The following STX3 variants were observed in gnomAD, a reference collection of about 807,000 sequenced individuals.
The protein encoded by STX3 is syntaxin 3.
Under a neutral mutation model 40.2 loss-of-function variants are expected in STX3, and 19 were observed. That is an observed-to-expected ratio of 0.47 (90% CI 0.33 to 0.69). The LOEUF (loss-of-function observed/expected upper bound fraction) is 0.69. STX3 is among the 30% of genes least tolerant of loss of function. STX3 has a pLI of 0.02. For synonymous variants in STX3, 122 were observed against 132.2 expected (o/e 0.92, Z 0.53); for missense variants, 364 against 366.7 (o/e 0.99, Z 0.06).
At chr11:59,759,755 A>G (rs187277141) in intron 1 of STX3, among the ~76,000 whole-genome samples, 202 of 152,288 alleles carry the variant, frequency 1.3e-3, no homozygotes, top group African/African-American at 4.6e-3. Flanking sequence ...AATGGCTGTT[A>G]TTGGCCTCCT....
rs569718462 is a variant in STX3, at chr11:59,767,230, G to C, written c.31-5981G>C. On this transcript the variant is annotated intron_variant, in intron 1 of 10. Transcript: ENST00000337979. ...GAGATAGATCCCAGGTTGGAGTTCA[G>C]TGTTGCCTAAGTCATTGGTGATATC... Among the ~76,000 whole-genome samples, 16 of 152,276 alleles carry C rather than the reference G, an allele frequency of 1.1e-4. No homozygotes were observed. In the South Asian group the frequency reaches 3.3e-3, roughly 32 times the overall value.
Position 59,755,609 on chromosome 11 carries a change from A to G in STX3, c.4A>G (p.Lys2Glu). 2 of 1,594,496 alleles carry G rather than the reference A, an allele frequency of 1.3e-6. No homozygotes were observed. The highest frequency in any genetic ancestry group is 1.7e-6 in the Non-Finnish European group (2 of 1,176,512). ...CTCCGGGCGCCTGGGCTTCAGGATG[A>G]AGGACCGTCTGGAGCAGCTGAAGGC... is the stretch of plus-strand genomic sequence containing the variant. Reference protein sequence around the residue: MKDRLEQLKAKQ... With the variant: MEDRLEQLKAKQ... The change falls in exon 1 of 11, where the codon AAG (lysine) becomes GAG (glutamate). Residue 2 changes from lysine to glutamate, a missense_variant. Lys to Glu is a moderately conservative substitution (Grantham distance 56). Coordinates refer to ENST00000337979, the MANE Select transcript of STX3 (RefSeq NM_004177.5).
Position 59,792,093 on chromosome 11 carries a change from A to C in STX3, c.358-14A>C. The C allele has an allele frequency of 6.2e-7, 1 of 1,609,094 alleles. No individual in the cohort carries two copies. Among genetic ancestry groups the C allele is most frequent in the Non-Finnish European group, 8.5e-7 (1 of 1,176,296 alleles). ...AACCACTGGGGCCTGACTGCATTTT[A>C]CATCATCCCACAGCACTCTGTCCTT... On this transcript the variant is annotated splice_polypyrimidine_tract_variant and intron_variant, in intron 5 of 10. Coordinates refer to ENST00000337979, the MANE Select transcript of STX3 (RefSeq NM_004177.5).
rs1864989073 is a variant in STX3 at position 59,789,606 on chromosome 11, A to T, written c.289+659A>T. On this transcript the variant is annotated intron_variant, in intron 4 of 10. Coordinates refer to ENST00000337979, the MANE Select transcript of STX3 (RefSeq NM_004177.5). Reference sequence around the variant, plus strand: ...CAGGCATGCACCACCACGCTCAGTCAATTTTTGTATTTTTAGTAGAGACGA... The same window carrying T: ...CAGGCATGCACCACCACGCTCAGTCTATTTTTGTATTTTTAGTAGAGACGA... Among the ~76,000 whole-genome samples the T allele has an allele frequency of 2.0e-5, 3 of 151,934 alleles. No homozygotes were observed. In the South Asian group the frequency reaches 6.2e-4, roughly 32 times the overall value.
intron 1 of STX3, among the ~76,000 whole-genome samples, chr11:59,761,645 CCT>C (rs1453498794): frequency 6.6e-6 from 1 of 152,178 alleles, no homozygotes; most frequent in Non-Finnish European, 1.5e-5. Context: ...CACCCCATCT[CCT>C]CTCTCAGGGT....
intron 2 of STX3, among the ~76,000 whole-genome samples, chr11:59,786,243 C>CTTTTT (rs1333761860): frequency 3.0e-5 from 4 of 135,528 alleles, no homozygotes; most frequent in Admixed American, 7.5e-5. Context: ...TTCTTTCTTT[C>CTTTTT]TTTTTTTTTT....
intron 4 of STX3, chr11:59,789,218 C>A: frequency 3.4e-6 from 1 of 291,594 alleles, no homozygotes; most frequent in Non-Finnish European, 6.5e-6. Flanking sequence ...AGTTTTGTGA[C>A]TTGGTCCTTT....
chr11:59,768,815 G>A (rs1590761095), intron 1 of STX3, among the ~76,000 whole-genome samples: 1 of 152,238 alleles, frequency 6.6e-6, no homozygotes, highest in East Asian at 1.9e-4. Flanking sequence ...TAATGGTACA[G>A]GGTCTGCTAC....
At chr11:59,790,300 A>G (rs1209238072) in intron 4 of STX3, among the ~76,000 whole-genome samples, 1 of 152,238 alleles carries the variant, frequency 6.6e-6, no homozygotes, top group Non-Finnish European at 1.5e-5. Context: ...CATGGTGACC[A>G]GAACCCATGC....
intron 8 of STX3, among the ~76,000 whole-genome samples, chr11:59,794,653 G>A (rs75382314): frequency 0.012 from 1,768 of 152,294 alleles, 33 homozygotes; most frequent in African/African-American, 0.04. Context: ...TAAAGTGATA[G>A]AGTTGGGTTG....
chr11:59,787,233 G>A, intron 3 of STX3, 97 bp downstream of exon 3: 13 of 1,052,144 alleles, frequency 1.2e-5, no homozygotes, highest in Non-Finnish European at 1.7e-5. Flanking sequence ...GTAGGGAAGT[G>A]TACAAGTTAC....
Position 59,802,476 on chromosome 11 carries a change from C to T in STX3, c.*1652C>T. The T allele has an allele frequency of 1.0e-6, 1 of 985,842 alleles. No homozygotes were observed. The highest frequency in any genetic ancestry group is 1.2e-6 in the Non-Finnish European group (1 of 829,934). The allele number at this position is 985,842 out of a possible 1,614,324, so 61.1% of individuals were successfully genotyped here. A position where few individuals can be genotyped will look rare whatever the true frequency, so the allele number is the denominator to read the frequency against. On this transcript the variant is annotated 3_prime_UTR_variant, in exon 11 of 11. Coordinates refer to ENST00000337979, the MANE Select transcript of STX3 (RefSeq NM_004177.5). ...GTCACAATCCAGCACTCAGACAGAG[C>T]CAAGGCAATATCCTCTTGCCCATGG...
chr11:59,757,521 G>T (rs761149675), intron 1 of STX3, among the ~76,000 whole-genome samples: 1 of 152,060 alleles, frequency 6.6e-6, no homozygotes, highest in African/African-American at 2.4e-5. Flanking sequence ...GCCTCTCCTC[G>T]GTGCCTCATG....
At position 59,802,943 on chromosome 11, in the gene STX3, T is replaced by C; in HGVS notation, c.*2119T>C. 1 of 985,458 alleles carries C rather than the reference T, an allele frequency of 1.0e-6. No individual in the cohort carries two copies. 61.0% of individuals were successfully genotyped at this position (985,458 alleles called of 1,614,324 possible). A position where few individuals can be genotyped will look rare whatever the true frequency, so the allele number is the denominator to read the frequency against. ...ATTTGGTTCAGTCCTTGGGAGTATC[T>C]GGCTTTAGGAGGAAATGGGGGAGAT... On this transcript the variant is annotated 3_prime_UTR_variant, in exon 11 of 11. Transcript: ENST00000337979.
In STX3 at chr11:59,791,095, G is replaced by C. The variant is rs79197850; in HGVS notation, c.357+509G>C. ...AGCATCAAAAGATCTCAGGAAGAAT[G>C]GGGGGTAGCCAGAGGAGGCTGGGCC... On this transcript the variant is annotated intron_variant, in intron 5 of 10. Transcript: ENST00000337979. Among the ~76,000 whole-genome samples, 617 of 152,236 alleles carry C rather than the reference G, an allele frequency of 4.1e-3. 2 individuals are homozygous for C. Among genetic ancestry groups the C allele is most frequent in the African/African-American group, 0.014 (574 of 41,532 alleles).
intron 1 of STX3, among the ~76,000 whole-genome samples, chr11:59,772,240 G>T (rs1383712372): frequency 6.6e-6 from 1 of 152,234 alleles, no homozygotes; most frequent in Non-Finnish European, 1.5e-5. Context: ...ACAACAGTCA[G>T]TTCTCTGTGC....
intron 10 of STX3, among the ~76,000 whole-genome samples, chr11:59,798,676 C>T (rs1314954454): frequency 2.0e-5 from 3 of 151,908 alleles, no homozygotes; most frequent in Admixed American, 6.6e-5. Flanking sequence ...CCTGCCACCA[C>T]GCCCGGCTAA....
At chr11:59,765,534 T>C (rs1316672171) in intron 1 of STX3, among the ~76,000 whole-genome samples, 1 of 152,128 alleles carries the variant, frequency 6.6e-6, no homozygotes, top group Non-Finnish European at 1.5e-5. Context: ...CTGGGTGCGG[T>C]GGCTCATGCG....
chr11:59,764,328 C>T (rs995187381), intron 1 of STX3, among the ~76,000 whole-genome samples: 1 of 152,186 alleles, frequency 6.6e-6, no homozygotes, highest in Non-Finnish European at 1.5e-5. Context: ...TAGCATTGCT[C>T]TAAACATGTC....
Sources: gnomAD v4.1 joint callset for allele counts (sites outside exome capture counted in the v4.1 genomes callset) on GRCh38, gnomAD v4.1.1 for gene constraint, MANE v1.5 for transcripts, NCBI Gene and HGNC (gene_info 2026-07-23, HGNC 2026-07-21) for gene names.